The following FBLN2 variants were observed in gnomAD, a reference collection of about 807,000 sequenced individuals.
The protein encoded by FBLN2 is fibulin 2, also known as fibulin-2.
In FBLN2, 81 loss-of-function variants were observed where a neutral mutation model predicts 123.7. The observed-to-expected ratio is 0.65, with a 90% CI of 0.55 to 0.79. FBLN2 has a LOEUF of 0.79. FBLN2 is among the 30% of genes least tolerant of loss of function. The pLI is 0.00. For synonymous variants in FBLN2, 699 were observed against 701.4 expected (o/e 1.00, Z 0.05); for missense variants, 1,603 against 1,681.3 (o/e 0.95, Z 0.81).
chr3:13,593,073 C>T (rs1400149559), intron 2 of FBLN2, among the ~76,000 whole-genome samples: 5 of 152,202 alleles, frequency 3.3e-5, no homozygotes, highest in African/African-American at 7.2e-5. Context: ...ATCCTGTTGT[C>T]CAGGGCAACA....
chr3:13,619,692 G>T, intron 7 of FBLN2, 38 bp from the exon 8 acceptor site: 11 of 1,574,424 alleles, frequency 7.0e-6, no homozygotes, highest in Non-Finnish European at 9.6e-6. Flanking sequence ...CCAAGGCCAG[G>T]GCCTGGTGGT....
chr3:13,565,696 T>G (rs1038374646), intron 1 of FBLN2, among the ~76,000 whole-genome samples: 5 of 152,190 alleles, frequency 3.3e-5, no homozygotes, highest in African/African-American at 7.2e-5. Context: ...CCTCCTAGGG[T>G]TGCAGCCTGA....
chr3:13,625,507 C>T (rs1706006244), intron 9 of FBLN2, among the ~76,000 whole-genome samples: 1 of 152,076 alleles, frequency 6.6e-6, no homozygotes, highest in South Asian at 2.1e-4. Flanking sequence ...GCCTCTTCAC[C>T]CTCAAACTCT....
At chr3:13,582,613 G>C (rs531953158) in intron 2 of FBLN2, among the ~76,000 whole-genome samples, 20 of 152,280 alleles carry the variant, frequency 1.3e-4, no homozygotes, top group Admixed American at 2.0e-4. Context: ...CCCTCAGAGA[G>C]TGAATTCCTG....
At chr3:13,583,104 C>T (rs1469170375) in intron 2 of FBLN2, among the ~76,000 whole-genome samples, 1 of 152,264 alleles carries the variant, frequency 6.6e-6, no homozygotes, top group African/African-American at 2.4e-5. Context: ...TGCGAGACCC[C>T]TCCTTCAGCC....
chr3:13,578,438 C>G (rs936370721), intron 2 of FBLN2, among the ~76,000 whole-genome samples: 4 of 152,304 alleles, frequency 2.6e-5, no homozygotes, highest in African/African-American at 9.6e-5. Flanking sequence ...CCTGGACTCT[C>G]TGGGAATCAT....
intron 2 of FBLN2, among the ~76,000 whole-genome samples, chr3:13,594,941 C>T (rs143200429): frequency 1.9e-3 from 290 of 152,308 alleles, no homozygotes; most frequent in African/African-American, 6.5e-3. Context: ...TCTTTCCTTT[C>T]TTTGATGCTT....
At chr3:13,607,634 G>A (rs1705250103) in intron 2 of FBLN2, among the ~76,000 whole-genome samples, 1 of 152,188 alleles carries the variant, frequency 6.6e-6, no homozygotes, top group Admixed American at 6.5e-5. Flanking sequence ...GGGTTCCTTA[G>A]AAGCAGAGCC....
At chr3:13,608,274 C>A in intron 3 of FBLN2, 101 bp downstream of exon 3, 1 of 765,388 alleles carries the variant, frequency 1.3e-6, no homozygotes, top group Non-Finnish European at 2.2e-6. Context: ...AGAGAGTGCA[C>A]CTTCACATGC....
chr3:13,606,765 C>T (rs1705217995), intron 2 of FBLN2, among the ~76,000 whole-genome samples: 1 of 152,174 alleles, frequency 6.6e-6, no homozygotes, highest in Non-Finnish European at 1.5e-5. Flanking sequence ...GATTCTCCTG[C>T]CTCAGCCTCC....
intron 2 of FBLN2, among the ~76,000 whole-genome samples, chr3:13,600,184 C>T (rs535818822): frequency 2.6e-5 from 4 of 151,780 alleles, no homozygotes; most frequent in South Asian, 2.1e-4. Context: ...GGGTGGAGGG[C>T]GGGGGCCTCT....
chr3:13,636,567 A>G lies in FBLN2; in HGVS notation c.3337A>G (p.Thr1113Ala). ...TCCCAACTATGTCCAAGTCTCCAAA[A>G]CGTGAGTGTCCCCACCCCAGTCCCA... ...CPPNYVQVSK[T>A]KCERTTCHDF... The change falls in exon 17 of 18, where the codon ACG becomes GCG. Residue 1113 changes from threonine to alanine, a missense_variant and splice_region_variant. Coordinates refer to ENST00000404922, the MANE Select transcript of FBLN2 (RefSeq NM_001004019.2). The G allele has an allele frequency of 6.2e-7, 1 of 1,612,918 alleles. No individual in the cohort carries two copies. Among genetic ancestry groups the G allele is most frequent in the Non-Finnish European group, 8.5e-7 (1 of 1,179,476 alleles).
intron 3 of FBLN2, 132 bp downstream of exon 3, chr3:13,608,305 T>A (rs1705275542): frequency 1.5e-6 from 1 of 664,224 alleles, no homozygotes; most frequent in Non-Finnish European, 2.6e-6. Flanking sequence ...TGAGGGTGAT[T>A]GGGTGTGGCT....
chr3:13,592,408 T>C (rs1704706728), intron 2 of FBLN2, among the ~76,000 whole-genome samples: 1 of 152,240 alleles, frequency 6.6e-6, no homozygotes, highest in Non-Finnish European at 1.5e-5. Context: ...AGCCTTGTAG[T>C]AATTTTTAAT....
At chr3:13,550,651 C>CT (rs1219606937) in intron 1 of FBLN2, among the ~76,000 whole-genome samples, 1 of 152,130 alleles carries the variant, frequency 6.6e-6, no homozygotes, top group Non-Finnish European at 1.5e-5. Flanking sequence ...GATAGGGGCT[C>CT]TGGGCCTTAA....
chr3:13,583,426 C>T (rs1396629911), intron 2 of FBLN2, among the ~76,000 whole-genome samples: 1 of 152,260 alleles, frequency 6.6e-6, no homozygotes, highest in South Asian at 2.1e-4. Flanking sequence ...ACTTGGCCCC[C>T]TGCACCGGGC....
rs1281853486 is a variant in FBLN2 at position 13,570,490 on chromosome 3, TGAG to T, written c.140_142del (p.Glu47del). ...AGTGCCCGCCGCTGGAGAACTGCAT[TGAG>T]GAGGCGCTGGAGCCGGGTGCCTGCT... On this transcript the variant is annotated inframe_deletion, in exon 2 of 18. Coordinates refer to ENST00000404922, the MANE Select transcript of FBLN2 (RefSeq NM_001004019.2). The T allele has an allele frequency of 1.9e-6, 3 of 1,584,830 alleles. No individual in the cohort carries two copies. Among genetic ancestry groups the T allele is most frequent in the Non-Finnish European group, 2.6e-6 (3 of 1,166,598 alleles).
At chr3:13,620,910 A>T in intron 8 of FBLN2, among the ~76,000 whole-genome samples, 1 of 152,180 alleles carries the variant, frequency 6.6e-6, no homozygotes, top group East Asian at 1.9e-4. Flanking sequence ...ATGACGTGGC[A>T]GTGACCGGCA....
chr3:13,620,869 C>G (rs1705826850), intron 8 of FBLN2, among the ~76,000 whole-genome samples: 1 of 152,202 alleles, frequency 6.6e-6, no homozygotes, highest in Admixed American at 6.5e-5. Flanking sequence ...TCCTACGAGC[C>G]CAGAGAGGAC....
Sources: gnomAD v4.1 joint callset for allele counts (sites outside exome capture counted in the v4.1 genomes callset) on GRCh38, gnomAD v4.1.1 for gene constraint, MANE v1.5 for transcripts, NCBI Gene and HGNC (gene_info 2026-07-23, HGNC 2026-07-21) for gene names.